ERBIN: variants seen among roughly 807,000 people sequenced by gnomAD.
The protein encoded by ERBIN is erbb2 interacting protein, also known as densin-180-like protein.
Under a neutral mutation model 158.4 loss-of-function variants are expected in ERBIN, and 60 were observed. The ratio of observed to expected loss-of-function variants is 0.38; its 90% confidence interval spans 0.31 to 0.47. ERBIN has a LOEUF of 0.47. ERBIN is among the 20% of genes least tolerant of loss of function. The pLI is 0.99. For missense variants in ERBIN, 1,610 were observed against 1,648.0 expected (o/e 0.98, Z 0.40); for synonymous variants, 594 against 557.2 (o/e 1.07, Z -0.93).
chr5:65,970,363 A>G (rs1311390196), intron 1 of ERBIN, among the ~76,000 whole-genome samples: 1 of 152,130 alleles, frequency 6.6e-6, no homozygotes, highest in Non-Finnish European at 1.5e-5. Context: ...ATTACTTAGT[A>G]TGGTATTTAA....
chr5:66,028,691 A>G (rs537402288), intron 14 of ERBIN, among the ~76,000 whole-genome samples: 4 of 152,282 alleles, frequency 2.6e-5, no homozygotes, highest in African/African-American at 7.2e-5. Context: ...TTTCAAGACT[A>G]TAACAGTGTT....
chr5:66,067,985 C>T (rs987887464), intron 21 of ERBIN, among the ~76,000 whole-genome samples: 3 of 151,974 alleles, frequency 2.0e-5, no homozygotes, highest in African/African-American at 4.8e-5. Flanking sequence ...CATAAATTCG[C>T]GTATGTTAAA....
rs1490580785 is a variant in ERBIN, at chr5:66,053,968, TATG to T, written c.2653_2655del (p.Asp885del). 1.9e-6 allele frequency: 3 copies of T among 1,614,138 alleles called. No homozygotes were observed. The East Asian group carries it at 6.7e-5, about 36-fold the overall frequency. ...TATGGAGATTGGAGGGCTAAAAATC[TATG>T]ATATTCTTAGTGATAATGGACCTCA... On this transcript the variant is annotated inframe_deletion, in exon 21 of 26. Transcript: ENST00000284037.
At chr5:65,931,296 A>G (rs1561257451) in intron 1 of ERBIN, among the ~76,000 whole-genome samples, 4 of 152,242 alleles carry the variant, frequency 2.6e-5, no homozygotes, top group Admixed American at 6.5e-5. Context: ...TGAGAAAGGT[A>G]CGTTTACAGC....
chr5:65,949,914 C>T (rs1025358527), intron 1 of ERBIN, among the ~76,000 whole-genome samples: 2 of 152,178 alleles, frequency 1.3e-5, no homozygotes, highest in Non-Finnish European at 2.9e-5. Context: ...TCAAATGATC[C>T]TCCTGCCTAG....
chr5:66,021,427 T>A (rs757193209), intron 8 of ERBIN, 42 bp downstream of exon 8: 71 of 1,318,404 alleles, frequency 5.4e-5, no homozygotes, highest in Admixed American at 8.2e-5. Context: ...TTCTTATATT[T>A]AATGAAGAAC....
chr5:65,998,908 A>G (rs957315071), intron 4 of ERBIN, among the ~76,000 whole-genome samples: 4 of 151,832 alleles, frequency 2.6e-5, no homozygotes, highest in African/African-American at 9.7e-5. Flanking sequence ...AAAAAAAAAA[A>G]AAAAAAAAAA....
At chr5:66,030,455 A>T (rs1429759876) in intron 14 of ERBIN, among the ~76,000 whole-genome samples, 1 of 152,122 alleles carries the variant, frequency 6.6e-6, no homozygotes, top group East Asian at 1.9e-4. Flanking sequence ...TAGATTCAGA[A>T]AAATTTGCTG....
intron 21 of ERBIN, among the ~76,000 whole-genome samples, chr5:66,066,786 A>G (rs1761047080): frequency 6.6e-6 from 1 of 152,256 alleles, no homozygotes; most frequent in Admixed American, 6.5e-5. Flanking sequence ...TCAGTATGTA[A>G]TGAACAACAT....
chr5:66,039,028 G>C (rs1247840403), intron 15 of ERBIN, among the ~76,000 whole-genome samples: 1 of 150,096 alleles, frequency 6.7e-6, no homozygotes, highest in Non-Finnish European at 1.5e-5. Context: ...CTCTCTGCGT[G>C]TGTGTGTGTG....
At chr5:66,055,244 C>G (rs1759473438) in intron 21 of ERBIN, 1 of 381,214 alleles carries the variant, frequency 2.6e-6, no homozygotes, top group South Asian at 9.8e-5. Context: ...ACACGTACCT[C>G]TGTTCAGCAT....
chr5:65,931,091 C>G (rs542942482), intron 1 of ERBIN, among the ~76,000 whole-genome samples: 4 of 152,174 alleles, frequency 2.6e-5, no homozygotes, highest in Non-Finnish European at 4.4e-5. Context: ...CTCTACTTAT[C>G]TGGAGGTTAT....
intron 1 of ERBIN, among the ~76,000 whole-genome samples, chr5:65,929,295 A>T (rs1743063715): frequency 6.6e-6 from 1 of 152,216 alleles, no homozygotes; most frequent in African/African-American, 2.4e-5. Flanking sequence ...TAAAAGTTTC[A>T]GAAAATAGGT....
chr5:66,063,673 T>C (rs1760697716), intron 21 of ERBIN, among the ~76,000 whole-genome samples: 1 of 152,166 alleles, frequency 6.6e-6, no homozygotes. Context: ...TATTCGGCCA[T>C]CTTGGCTCCT....
intron 3 of ERBIN, among the ~76,000 whole-genome samples, chr5:65,993,996 A>G (rs945541295): frequency 3.9e-5 from 6 of 152,206 alleles, no homozygotes; most frequent in Non-Finnish European, 8.8e-5. Flanking sequence ...GTGTATATAC[A>G]TACTGGATGA....
chr5:66,029,729 C>A (rs1487978022), intron 14 of ERBIN, among the ~76,000 whole-genome samples: 5 of 151,980 alleles, frequency 3.3e-5, no homozygotes, highest in Admixed American at 6.6e-5. Flanking sequence ...CTCAGCCTCC[C>A]GAGTAGCTGG....
chr5:66,013,582 A>G lies in ERBIN; in HGVS notation c.420A>G (p.Leu140=). The G allele has an allele frequency of 6.2e-7, 1 of 1,613,380 alleles. No homozygotes were observed. The highest frequency in any genetic ancestry group is 1.7e-5 in the Admixed American group (1 of 59,984). The stretch of plus-strand genomic sequence containing the variant: ...ATGGATTTTCTCAGCTGTTAAACCT[A>G]ACCCAGTTGTATCTGAATGATGCTT... ...LPDGFSQLLN[L]TQLYLNDAFL... Residue 140 remains leucine, a synonymous_variant, in exon 6 of 26, where the codon CTA becomes CTG. Coordinates refer to ENST00000284037, the MANE Select transcript of ERBIN (RefSeq NM_001253697.2).
chr5:65,962,252 T>G (rs1643720677), intron 1 of ERBIN, among the ~76,000 whole-genome samples: 1 of 152,206 alleles, frequency 6.6e-6, no homozygotes, highest in Admixed American at 6.5e-5. Flanking sequence ...AAAATGTGTT[T>G]GATTACAACA....
rs957672267 is a variant in ERBIN at position 66,080,967 on chromosome 5, G to T, written c.*2437G>T. The stretch of plus-strand genomic sequence containing the variant: ...ATTAAATGACAAGGACTTTGAATTA[G>T]AATTTTGCTGTAATAAAGTTTCAAA... On this transcript the variant is annotated 3_prime_UTR_variant, in exon 26 of 26. Coordinates refer to ENST00000284037, the MANE Select transcript of ERBIN (RefSeq NM_001253697.2). 2 of 151,966 alleles carry T rather than the reference G, an allele frequency of 1.3e-5. No individual in the cohort carries two copies. Among genetic ancestry groups the T allele is most frequent in the Non-Finnish European group, 2.9e-5 (2 of 67,864 alleles). 9.4% of individuals were successfully genotyped at this position (151,966 alleles called of 1,614,324 possible). A position where few individuals can be genotyped will look rare whatever the true frequency, so the allele number is the denominator to read the frequency against.
Sources: allele counts gnomAD v4.1 joint callset (sites outside exome capture counted in the v4.1 genomes callset), GRCh38; gene constraint gnomAD v4.1.1; transcripts MANE v1.5; gene names NCBI Gene and HGNC (gene_info 2026-07-23, HGNC 2026-07-21).